Variants in FAM117B observed in about 807,000 individuals in gnomAD.
FAM117B encodes family with sequence similarity 117 member B.
FAM117B carries 22 observed loss-of-function variants against 52.8 expected under a neutral mutation model. The ratio of observed to expected loss-of-function variants is 0.42; its 90% confidence interval spans 0.30 to 0.59. The LOEUF is 0.59. FAM117B is among the 20% of genes least tolerant of loss of function. The pLI is 0.22. For synonymous variants in FAM117B, 309 were observed against 324.1 expected, an observed-to-expected ratio of 0.95 and a Z score of 0.50; for missense variants, 678 against 802.6, an observed-to-expected ratio of 0.84 and a Z score of 1.88.
At chr2:202,698,715 G>A (rs1255252287) in intron 2 of FAM117B, among the ~76,000 whole-genome samples, 1 of 152,074 alleles carries the variant, frequency 6.6e-6, no homozygotes, top group East Asian at 1.9e-4. Flanking sequence ...GAGCCACCGC[G>A]CCCAGCCTAA....
At chr2:202,758,968 G>A (rs1243524165) in intron 6 of FAM117B, among the ~76,000 whole-genome samples, 3 of 152,194 alleles carry the variant, frequency 2.0e-5, no homozygotes, top group African/African-American at 7.2e-5. Flanking sequence ...CATTTGTTTT[G>A]TAAAGAATAG....
rs971480003 is a variant in FAM117B, at chr2:202,694,275, C to T, written c.602-1606C>T. Among the ~76,000 whole-genome samples, 9 of 148,376 alleles carry T rather than the reference C, an allele frequency of 6.1e-5. No individual in the cohort carries two copies. In the Admixed American group the frequency reaches 6.1e-4, roughly 10 times the overall value. ...GTGCGATCTTGGCTCACTGCAACCT[C>T]CAACTCTAGGATTCAAGCGATTCTC... On this transcript the variant is annotated intron_variant, in intron 1 of 7. Transcript: ENST00000392238.
chr2:202,709,916 C>G lies in FAM117B; in HGVS notation c.753+13884C>G, dbSNP rs144872164. 7.9e-4 allele frequency among the ~76,000 whole-genome samples: 120 copies of G among 152,286 alleles called. 1 individual carries two copies. Among genetic ancestry groups the G allele is most frequent in the Non-Finnish European group, 1.4e-3 (96 of 68,028 alleles). ...AGACTGTCCTTCCCCCATTGGCACC[C>G]TCATTGAAGATTGGTTGAGTGTTAA... is the stretch of plus-strand genomic sequence containing the variant. On this transcript the variant is annotated intron_variant, in intron 2 of 7. Coordinates refer to ENST00000392238, the MANE Select transcript of FAM117B (RefSeq NM_173511.4).
chr2:202,763,750 TTGTTA>T (rs1691934957), intron 7 of FAM117B, among the ~76,000 whole-genome samples: 1 of 152,204 alleles, frequency 6.6e-6, no homozygotes, highest in Admixed American at 6.5e-5. Context: ...TTGTTCTTAA[TTGTTA>T]TATTTGCCAA....
intron 1 of FAM117B, among the ~76,000 whole-genome samples, chr2:202,687,000 A>C (rs1169290685): frequency 6.6e-6 from 1 of 152,164 alleles, no homozygotes; most frequent in East Asian, 1.9e-4. Context: ...GGCAAGCTGG[A>C]GACCCAGGAG....
chr2:202,696,240 C>G (rs973576593), intron 2 of FAM117B, among the ~76,000 whole-genome samples: 3 of 152,150 alleles, frequency 2.0e-5, no homozygotes, highest in Admixed American at 6.5e-5. Context: ...TTTTAAATAG[C>G]TATCAAAGTA....
rs61740247 is a variant in FAM117B, at chr2:202,726,304, C to T, written c.901C>T (p.Arg301Ter). Residue 301 changes from arginine to a stop codon, truncating the protein, a stop_gained, in exon 4 of 8, where the codon CGA (arginine) becomes TGA (stop). Transcript: ENST00000392238. LOFTEE classifies it high-confidence loss of function. Reference sequence around the variant, plus strand: ...AAGTAAACACAGCAGTCGGCATCATCGAGATAAAGAAAGACAGTCTCCATT... The same window carrying T: ...AAGTAAACACAGCAGTCGGCATCATTGAGATAAAGAAAGACAGTCTCCATT... ...QRSKHSSRHH[R>*]DKERQSPFHG... is the part of the protein sequence containing the mutation. 1 of 1,613,828 alleles carries T rather than the reference C, an allele frequency of 6.2e-7. No homozygotes were observed. The highest frequency in any genetic ancestry group is 8.5e-7 in the Non-Finnish European group (1 of 1,179,928).
intron 4 of FAM117B, among the ~76,000 whole-genome samples, chr2:202,748,294 A>T (rs1439481232): frequency 6.6e-6 from 1 of 152,180 alleles, no homozygotes; most frequent in Non-Finnish European, 1.5e-5. Context: ...AATGGATTAA[A>T]GCCTTAAAGG....
chr2:202,699,049 A>G (rs1690755690), intron 2 of FAM117B, among the ~76,000 whole-genome samples: 1 of 152,186 alleles, frequency 6.6e-6, no homozygotes, highest in African/African-American at 2.4e-5. Flanking sequence ...CTGTGACCTA[A>G]CAATTGAATT....
chr2:202,749,871 A>AT (rs1691696416), intron 4 of FAM117B, among the ~76,000 whole-genome samples: 2 of 152,198 alleles, frequency 1.3e-5, no homozygotes, highest in Non-Finnish European at 2.9e-5. Flanking sequence ...CTGGATCACT[A>AT]TATCTCTGGC....
intron 1 of FAM117B, among the ~76,000 whole-genome samples, chr2:202,655,462 A>G (rs1228457919): frequency 6.6e-6 from 1 of 152,042 alleles, no homozygotes; most frequent in Admixed American, 6.6e-5. Flanking sequence ...TCTTTGGCTA[A>G]TATTTTGTTG....
chr2:202,756,076 A>G (rs192542600), intron 5 of FAM117B, among the ~76,000 whole-genome samples: 94 of 152,240 alleles, frequency 6.2e-4, no homozygotes, highest in African/African-American at 2.0e-3. Flanking sequence ...GTCAGTGACT[A>G]TTTGGTTTTG....
intron 1 of FAM117B, among the ~76,000 whole-genome samples, chr2:202,642,366 A>T (rs1004004638): frequency 2.4e-5 from 3 of 122,774 alleles, no homozygotes; most frequent in South Asian, 2.2e-4. Flanking sequence ...TATATATATA[A>T]AATGAGTAGA....
chr2:202,765,667 A>T lies in FAM117B; in HGVS notation c.1673A>T (p.Asn558Ile). ...ATTGCTGTGGCCTCCCTGTCTACAA[A>T]CACAGAGCAAGACCGAGTCTCTCGA... ...QPIAVASLSTNTEQDRVSRGT... is the reference protein window; with the variant it reads ...QPIAVASLSTITEQDRVSRGT... Residue 558 changes from asparagine to isoleucine, a missense_variant, in exon 8 of 8, where the codon AAC becomes ATC. Asn to Ile is a moderately radical substitution (Grantham distance 149). Coordinates refer to ENST00000392238, the MANE Select transcript of FAM117B (RefSeq NM_173511.4). 1 of 1,614,082 alleles carries T rather than the reference A, an allele frequency of 6.2e-7. No individual in the cohort carries two copies. The highest frequency in any genetic ancestry group is 8.5e-7 in the Non-Finnish European group (1 of 1,180,002).
At chr2:202,753,396 A>G (rs1691754078) in intron 4 of FAM117B, among the ~76,000 whole-genome samples, 3 of 152,222 alleles carry the variant, frequency 2.0e-5, no homozygotes, top group Admixed American at 2.0e-4. Flanking sequence ...TGTAAAACCC[A>G]AAAGCATAAA....
At chr2:202,677,862 A>T (rs116828673) in intron 1 of FAM117B, among the ~76,000 whole-genome samples, 1 of 152,226 alleles carries the variant, frequency 6.6e-6, no homozygotes, top group Non-Finnish European at 1.5e-5. Context: ...TAGGTAATGC[A>T]TGGAAGCAGT....
rs1156278814 is a variant in FAM117B, at chr2:202,741,416, C to CAAAA, written c.961-14095_961-14092dup. 8.0e-4 allele frequency among the ~76,000 whole-genome samples: 28 copies of CAAAA among 34,972 alleles called. 2 individuals carry two copies. The highest frequency in any genetic ancestry group is 2.6e-3 in the East Asian group (2 of 780). The allele number at this position is 34,972 out of a possible 152,430, so 22.9% of individuals were successfully genotyped here. ...CTGGTGACAGAGCAAGACTCTGTCT[C>CAAAA]AAAAAAAAAAAAAAAAAAAAAAAAA... is the stretch of plus-strand genomic sequence containing the variant. On this transcript the variant is annotated intron_variant, in intron 4 of 7. Transcript: ENST00000392238.
chr2:202,670,514 C>A (rs1574549416), intron 1 of FAM117B, among the ~76,000 whole-genome samples: 1 of 152,020 alleles, frequency 6.6e-6, no homozygotes. Context: ...TGGTCTTGAA[C>A]TTCTGACCTC....
At chr2:202,685,494 C>T (rs1690525319) in intron 1 of FAM117B, among the ~76,000 whole-genome samples, 1 of 152,066 alleles carries the variant, frequency 6.6e-6, no homozygotes, top group Non-Finnish European at 1.5e-5. Flanking sequence ...TCTCACAATT[C>T]CTACTCTGAT....
Sources: allele counts gnomAD v4.1 joint callset (sites outside exome capture counted in the v4.1 genomes callset), GRCh38; gene constraint gnomAD v4.1.1; transcripts MANE v1.5; gene names NCBI Gene and HGNC (gene_info 2026-07-23, HGNC 2026-07-21).